Variants in NFXL1 observed in about 807,000 individuals in gnomAD.
NFXL1 encodes nuclear transcription factor, X-box binding like 1, also known as NF-X1-type zinc finger protein NFXL1.
NFXL1 carries 66 observed loss-of-function variants against 123.3 expected under a neutral mutation model. The ratio of observed to expected loss-of-function variants is 0.54; its 90% confidence interval spans 0.44 to 0.66. The LOEUF is 0.66. NFXL1 is among the 30% of genes least tolerant of loss of function. The pLI, the probability that NFXL1 is intolerant of heterozygous loss-of-function variation, is 0.00. For synonymous variants in NFXL1, 346 were observed against 360.8 expected (o/e 0.96, Z 0.46); for missense variants, 944 against 1,125.6 (o/e 0.84, Z 2.31).
intron 12 of NFXL1, among the ~76,000 whole-genome samples, chr4:47,887,787 C>T (rs1736528248): frequency 1.3e-5 from 2 of 152,078 alleles, no homozygotes; most frequent in Admixed American, 1.3e-4. Context: ...AAATAAGGGA[C>T]AATTTCTCTA....
Position 47,875,221 on chromosome 4 carries a change from T to G in NFXL1, c.2152A>C (p.Ile718Leu). Residue 718 changes from isoleucine (I) to leucine (L), a missense_variant, in exon 18 of 23, where the codon ATT (isoleucine) becomes CTT (leucine). Ile to Leu is a conservative substitution (Grantham distance 5). This residue lies in a region of NFXL1 where 301 missense variants were observed against 348.0 expected (regional missense o/e 0.86). Coordinates refer to ENST00000507489, the MANE Select transcript of NFXL1 (RefSeq NM_001278624.2). ...CATTCTCCAGGGTGACATCGCAAAA[T>G]ACATGGGTGAAGACAACCTAGTGGC... ...SRPLGCLHPC[I>L]LRCHPGECPP... 1 of 1,613,456 alleles carries G rather than the reference T, an allele frequency of 6.2e-7. No individual in the cohort carries two copies. The highest frequency in any genetic ancestry group is 8.5e-7 in the Non-Finnish European group (1 of 1,179,520).
Position 47,885,856 on chromosome 4 carries a change from C to T in NFXL1, c.1664+23G>A, listed in dbSNP as rs1204267996. ...AAATTTGTACAACATCAGATGGAAGCTTGTGCAAAGCTTCAAACTCACCTG... is the reference window on the plus strand; with the variant it reads ...AAATTTGTACAACATCAGATGGAAGTTTGTGCAAAGCTTCAAACTCACCTG... On this transcript the variant is annotated intron_variant, in intron 13 of 22. Coordinates refer to ENST00000507489, the MANE Select transcript of NFXL1 (RefSeq NM_001278624.2). 4.4e-6 allele frequency: 7 copies of T among 1,597,890 alleles called. 1 individual carries two copies. The highest frequency in any genetic ancestry group is 1.7e-4 in the Middle Eastern group (1 of 5,972).
At chr4:47,902,356 T>G (rs1027800303) in intron 5 of NFXL1, among the ~76,000 whole-genome samples, 1 of 152,146 alleles carries the variant, frequency 6.6e-6, no homozygotes, top group Non-Finnish European at 1.5e-5. Context: ...TTAGCAGAGA[T>G]ATAAAATTCT....
intron 18 of NFXL1, among the ~76,000 whole-genome samples, chr4:47,870,203 C>T (rs909635259): frequency 1.2e-4 from 18 of 152,078 alleles, no homozygotes; most frequent in African/African-American, 2.9e-4. Flanking sequence ...ACAAACGTAA[C>T]GTTGATACCC....
At position 47,894,262 on chromosome 4, in the gene NFXL1, C is replaced by A. The variant is rs1457122371; in HGVS notation, c.1370G>T (p.Arg457Leu). The A allele has an allele frequency of 6.2e-7, 1 of 1,602,158 alleles. No individual in the cohort carries two copies. Among genetic ancestry groups the A allele is most frequent in the Non-Finnish European group, 8.5e-7 (1 of 1,173,242 alleles). Residue 457 changes from arginine (R) to leucine (L), a missense_variant, in exon 11 of 23, where the codon CGA becomes CTA. Physicochemically the swap from Arg to Leu is moderately radical, Grantham distance 102 (BLOSUM62 -2). Transcript: ENST00000507489. ...CAGATAAGGTTTATGACAAGGCATT[C>A]GTTTTGTATGCTTTCCACAGCGACA... ...KHCRCGKHTKRMPCHKPYLCE... is the reference protein window; with the variant it reads ...KHCRCGKHTKLMPCHKPYLCE...
At chr4:47,852,696 CGAT>C (rs1734192306) in intron 20 of NFXL1, among the ~76,000 whole-genome samples, 1 of 152,072 alleles carries the variant, frequency 6.6e-6, no homozygotes, top group Non-Finnish European at 1.5e-5. Flanking sequence ...CAGAATAAAA[CGAT>C]GACCTACTGA....
intron 18 of NFXL1, among the ~76,000 whole-genome samples, chr4:47,872,414 A>G (rs534037304): frequency 4.4e-4 from 67 of 150,972 alleles, no homozygotes; most frequent in African/African-American, 1.5e-3. Context: ...GTGAGCCAAG[A>G]TCGTGCCACT....
chr4:47,853,799 G>A (rs932123925), intron 20 of NFXL1, among the ~76,000 whole-genome samples: 3 of 152,040 alleles, frequency 2.0e-5, no homozygotes, highest in South Asian at 2.1e-4. Context: ...CTGGTATGCC[G>A]AGTCTGCATA....
chr4:47,884,459 ATT>A, intron 14 of NFXL1, 22 bp from the exon 15 acceptor site: 1 of 1,451,590 alleles, frequency 6.9e-7, no homozygotes, highest in Non-Finnish European at 9.6e-7. Flanking sequence ...ATACATAAGA[ATT>A]TTAAGTCAGA....
chr4:47,895,425 A>G (rs550454034), intron 10 of NFXL1, among the ~76,000 whole-genome samples: 2 of 152,322 alleles, frequency 1.3e-5, no homozygotes, highest in Admixed American at 6.5e-5. Context: ...CTTTTGTTCA[A>G]TATAGCCACC....
In NFXL1 at chr4:47,890,692, T is replaced by A; in HGVS notation, c.1464A>T (p.Gly488=). The A allele has an allele frequency of 1.2e-6, 2 of 1,605,644 alleles. No homozygotes were observed. The highest frequency in any genetic ancestry group is 1.7e-6 in the Non-Finnish European group (2 of 1,172,682). The change falls in exon 12 of 23, where the codon GGA becomes GGT. Residue 488 remains glycine (G), a synonymous_variant. Transcript: ENST00000507489. ...KHQCRRKCCP[G]NCPPCDQNCG... ...AGTTTTGATCACAAGGTGGACAGTT[T>A]CCAGGGCAACACTGAAGAGAAAGCA...
At chr4:47,877,176 G>A (rs1315634581) in intron 17 of NFXL1, 3 of 465,016 alleles carry the variant, frequency 6.5e-6, no homozygotes, top group East Asian at 6.9e-5. Context: ...AAATCACAGA[G>A]CTTCAGTTTC....
At chr4:47,858,495 T>C (rs954459214) in intron 19 of NFXL1, among the ~76,000 whole-genome samples, 1 of 152,192 alleles carries the variant, frequency 6.6e-6, no homozygotes, top group Non-Finnish European at 1.5e-5. Flanking sequence ...TTGGAAATTA[T>C]TCAAATGTCC....
chr4:47,858,709 A>C (rs1734557632), intron 19 of NFXL1, among the ~76,000 whole-genome samples: 1 of 152,222 alleles, frequency 6.6e-6, no homozygotes, highest in South Asian at 2.1e-4. Context: ...GATTACTATA[A>C]AAAGGCAATG....
chr4:47,914,045 T>C lies in NFXL1; in HGVS notation c.159A>G (p.Gly53=). The C allele has an allele frequency of 6.5e-7, 1 of 1,549,534 alleles. No individual in the cohort carries two copies. Among genetic ancestry groups the C allele is most frequent in the South Asian group, 1.2e-5 (1 of 84,016 alleles). ...TCCCTGCAGCCGCCGTGGTCGCGAC[T>C]CCTCCGGGACTGGTGCCAGAAGGAA... ...GAVPSGTSPG[G]VATTAAAGSR... The change falls in exon 2 of 23, where the codon GGA becomes GGG. Residue 53 remains glycine (G), a synonymous_variant. Transcript: ENST00000507489.
At chr4:47,887,148 G>C (rs1394082608) in intron 12 of NFXL1, among the ~76,000 whole-genome samples, 3 of 152,134 alleles carry the variant, frequency 2.0e-5, no homozygotes, top group Admixed American at 6.5e-5. Context: ...TTCGCTCCAA[G>C]AGGTTCTGTC....
chr4:47,870,267 G>C (rs1374441122), intron 18 of NFXL1, among the ~76,000 whole-genome samples: 5 of 152,126 alleles, frequency 3.3e-5, no homozygotes, highest in African/African-American at 1.2e-4. Flanking sequence ...TACAATTAAT[G>C]AACATTTTTA....
intron 18 of NFXL1, among the ~76,000 whole-genome samples, chr4:47,866,712 G>T (rs1735098667): frequency 6.6e-6 from 1 of 152,182 alleles, no homozygotes; most frequent in Non-Finnish European, 1.5e-5. Context: ...TGGGAATCTG[G>T]ATTTCAGGAA....
intron 18 of NFXL1, among the ~76,000 whole-genome samples, chr4:47,871,644 C>G (rs1735440880): frequency 6.6e-6 from 1 of 152,128 alleles, no homozygotes; most frequent in African/African-American, 2.4e-5. Context: ...TGTGACACTG[C>G]CCAAGTTCAT....
Sources: allele counts gnomAD v4.1 joint callset (sites outside exome capture counted in the v4.1 genomes callset), GRCh38; gene constraint gnomAD v4.1.1; regional missense constraint gnomAD v4.1.1; transcripts MANE v1.5; gene names NCBI Gene and HGNC (gene_info 2026-07-23, HGNC 2026-07-21).